Variants in ALMS1 observed in about 807,000 individuals in gnomAD.
ALMS1 encodes centrosome-associated protein ALMS1.
A neutral mutation model predicts 352.2 loss-of-function variants in ALMS1; 271 were observed. The ratio of observed to expected loss-of-function variants is 0.77; its 90% CI spans 0.70 to 0.85. The LOEUF (loss-of-function observed/expected upper bound fraction) is 0.85, where lower values mean the gene tolerates loss of function less well. Among genes scored for constraint, ALMS1 ranks in the 40% least tolerant of loss-of-function variants. The probability of loss-of-function intolerance (pLI) is 0.00; values close to 1 mark genes in which losing one functional copy is unlikely to be tolerated. For missense variants in ALMS1, 5,445 were observed against 4,870.7 expected (o/e 1.12, Z -3.51); for synonymous variants, 1,865 against 1,761.2 (o/e 1.06, Z -1.48).
rs746923966 is a variant in ALMS1, at chr2:73,608,488, C to T, written c.12376C>T (p.Leu4126Phe). 16 of 1,613,496 alleles carry T rather than the reference C, an allele frequency of 9.9e-6. No homozygotes were observed. Among genetic ancestry groups the T allele is most frequent in the Admixed American group, 1.7e-5 (1 of 59,976 alleles). The change falls in exon 22 of 23, where the codon CTT becomes TTT. Residue 4126 changes from leucine to phenylalanine, a missense_variant. By Grantham distance (22) the Leu-to-Phe change is conservative (BLOSUM62 0). Transcript: ENST00000613296. ...IQRSKRIYEQ[L>F]PEVQKKREEE... is the part of the protein sequence containing the mutation. ...GCCATTTCTAAGGATTTATGAGCAG[C>T]TTCCAGAAGTACAGAAAAAGAGAGA...
Position 73,448,870 on chromosome 2 carries a change from T to A in ALMS1, c.2343T>A (p.Ser781Arg). 1 of 1,613,908 alleles carries A rather than the reference T, an allele frequency of 6.2e-7. No homozygotes were observed. Among genetic ancestry groups the A allele is most frequent in the East Asian group, 2.2e-5 (1 of 44,850 alleles). Reference sequence around the variant, plus strand: ...TGTACCCACAGGACTTAGCAGACAGTCATCTACCTGAAGAGGGTCTGAAAG... The same window carrying A: ...TGTACCCACAGGACTTAGCAGACAGACATCTACCTGAAGAGGGTCTGAAAG... ...SILYPQDLAD[S>R]HLPEEGLKVS... The change falls in exon 8 of 23, where the codon AGT becomes AGA. Residue 781 changes from serine to arginine, a missense_variant. Coordinates refer to ENST00000613296, the MANE Select transcript of ALMS1 (RefSeq NM_001378454.1).
At position 73,453,411 on chromosome 2, in the gene ALMS1, T is replaced by C; in HGVS notation, c.6884T>C (p.Ile2295Thr). The change falls in exon 8 of 23, where the codon ATA (isoleucine) becomes ACA (threonine). Residue 2295 changes from isoleucine to threonine, a missense_variant. Physicochemically the swap from Ile to Thr is moderately conservative, Grantham distance 89. Coordinates refer to ENST00000613296, the MANE Select transcript of ALMS1 (RefSeq NM_001378454.1). ...AGAGATATTAGTGATATTTCATTTA[T>C]ACAATCTAAGAAGGTGGTTTGCTTC... ...RFRDISDISFIQSKKVVCFKE... is the reference protein window; with the variant it reads ...RFRDISDISFTQSKKVVCFKE... 1 of 1,613,904 alleles carries C rather than the reference T, an allele frequency of 6.2e-7. No homozygotes were observed. Among genetic ancestry groups the C allele is most frequent in the East Asian group, 2.2e-5 (1 of 44,862 alleles).
chr2:73,574,454 G>T (rs913578060), intron 16 of ALMS1, among the ~76,000 whole-genome samples: 1 of 152,102 alleles, frequency 6.6e-6, no homozygotes, highest in Non-Finnish European at 1.5e-5. Context: ...TATGAGTACA[G>T]TAGTGACATA....
intron 18 of ALMS1, 117 bp downstream of exon 18, chr2:73,600,998 A>C: frequency 1.4e-6 from 2 of 1,411,378 alleles, no homozygotes; most frequent in Non-Finnish European, 1.9e-6. Flanking sequence ...CCCAGCCACA[A>C]CCTTGTCAGG....
intron 22 of ALMS1, 119 bp downstream of exon 22, chr2:73,608,693 T>C: frequency 1.2e-6 from 1 of 811,288 alleles, no homozygotes; most frequent in Non-Finnish European, 2.1e-6. Context: ...AGGAATGAAC[T>C]TAGAATGCAC....
intron 11 of ALMS1, among the ~76,000 whole-genome samples, chr2:73,533,485 G>A (rs996847312): frequency 1.3e-5 from 2 of 152,156 alleles, no homozygotes; most frequent in African/African-American, 4.8e-5. Context: ...ATGATCTGCA[G>A]TATCTAGGAA....
intron 6 of ALMS1, among the ~76,000 whole-genome samples, chr2:73,427,266 A>T (rs1302407577): frequency 1.3e-5 from 2 of 152,208 alleles, no homozygotes; most frequent in Non-Finnish European, 2.9e-5. Context: ...TTGACTTCAG[A>T]GGTGTCTTGA....
intron 10 of ALMS1, among the ~76,000 whole-genome samples, chr2:73,497,213 A>G (rs76334189): frequency 2.0e-4 from 31 of 152,250 alleles, no homozygotes; most frequent in African/African-American, 6.5e-4. Context: ...TGTAAGAACA[A>G]TGTGTTATTT....
intron 2 of ALMS1, among the ~76,000 whole-genome samples, chr2:73,412,586 T>C (rs1671100529): frequency 6.6e-6 from 1 of 152,030 alleles, no homozygotes; most frequent in South Asian, 2.1e-4. Context: ...GGTCAGGAGT[T>C]TGAGACCAGC....
At chr2:73,572,216 T>C in intron 15 of ALMS1, 46 bp from the exon 16 acceptor site, 2 of 1,484,216 alleles carry the variant, frequency 1.3e-6, no homozygotes, top group Non-Finnish European at 9.3e-7. Context: ...CTAAACAGAA[T>C]GCTAATTTTT....
chr2:73,598,861 G>C (rs1221238010), intron 16 of ALMS1, among the ~76,000 whole-genome samples: 1 of 152,080 alleles, frequency 6.6e-6, no homozygotes, highest in Non-Finnish European at 1.5e-5. Flanking sequence ...TGCCTTCATT[G>C]CTCTACTTGC....
chr2:73,392,625 T>G (rs1276468104), intron 1 of ALMS1, among the ~76,000 whole-genome samples: 2 of 152,328 alleles, frequency 1.3e-5, no homozygotes, highest in African/African-American at 4.8e-5. Context: ...TGGGCTTCTT[T>G]CACTTAGCTT....
intron 9 of ALMS1, among the ~76,000 whole-genome samples, chr2:73,474,371 C>CTGTGTGTGTGTGTG (rs377039331): frequency 1.0e-4 from 10 of 95,564 alleles, no homozygotes; most frequent in Admixed American, 9.4e-4. Context: ...CTTGTTGACT[C>CTGTGTGTGTGTGTG]TGTGTGTGTG....
chr2:73,593,829 ATAAATGGAATCACAGTCT>A (rs1378738793), intron 16 of ALMS1, among the ~76,000 whole-genome samples: 3 of 152,214 alleles, frequency 2.0e-5, no homozygotes, highest in African/African-American at 7.2e-5. Context: ...GACCTTTCAT[ATAAATGGAATCACAGTCT>A]TTCGTGACTG....
intron 16 of ALMS1, among the ~76,000 whole-genome samples, chr2:73,585,338 T>G (rs182175087): frequency 2.6e-5 from 4 of 152,132 alleles, no homozygotes; most frequent in African/African-American, 9.6e-5. Flanking sequence ...AGGAGTAATG[T>G]GGTATCTCAT....
Position 73,450,769 on chromosome 2 carries a change from A to G in ALMS1, c.4242A>G (p.Pro1414=), listed in dbSNP as rs1671918576. 1 of 1,613,052 alleles carries G rather than the reference A, an allele frequency of 6.2e-7. No individual in the cohort carries two copies. The highest frequency in any genetic ancestry group is 8.5e-7 in the Non-Finnish European group (1 of 1,179,532). ...EAKNVSAVPG[P]GDRKTGIPTL... ...AGAACGTTTCAGCGGTTCCTGGACC[A>G]GGTGACCGGAAGACTGGGATACCAA... Residue 1414 remains proline (P), a synonymous_variant, in exon 8 of 23, where the codon CCA becomes CCG. Transcript: ENST00000613296.
At chr2:73,420,187 TAACA>T (rs1671256565) in intron 3 of ALMS1, among the ~76,000 whole-genome samples, 1 of 152,206 alleles carries the variant, frequency 6.6e-6, no homozygotes, top group African/African-American at 2.4e-5. Flanking sequence ...TTCATTCATG[TAACA>T]AATATCTAAG....
In ALMS1 at chr2:73,448,493, G is replaced by A. The variant is rs773971557; in HGVS notation, c.1966G>A (p.Glu656Lys). The change falls in exon 8 of 23, where the codon GAG becomes AAG. Residue 656 changes from glutamate to lysine, a missense_variant. Transcript: ENST00000613296. Reference sequence around the variant, plus strand: ...AGTTTCAGCTGCTCCTGGCCCAGTGGAGCAGAAGACGGGAATACCTACAGT... The same window carrying A: ...AGTTTCAGCTGCTCCTGGCCCAGTGAAGCAGAAGACGGGAATACCTACAGT... ...LEVSAAPGPV[E>K]QKTGIPTVSS... 3 of 1,613,812 alleles carry A rather than the reference G, an allele frequency of 1.9e-6. No homozygotes were observed. Among genetic ancestry groups the A allele is most frequent in the African/African-American group, 2.7e-5 (2 of 74,862 alleles).
intron 9 of ALMS1, among the ~76,000 whole-genome samples, chr2:73,483,374 T>C (rs1456291550): frequency 6.6e-6 from 1 of 151,634 alleles, no homozygotes; most frequent in Non-Finnish European, 1.5e-5. Context: ...TCCATGTAGT[T>C]GAGCGGTTTT....
Sources: gnomAD v4.1 joint callset for allele counts (sites outside exome capture counted in the v4.1 genomes callset) on GRCh38, gnomAD v4.1.1 for gene constraint, MANE v1.5 for transcripts, NCBI Gene and HGNC (gene_info 2026-07-23, HGNC 2026-07-21) for gene names.